Variants in SIL1 observed in about 807,000 individuals in gnomAD.
SIL1 encodes nucleotide exchange factor SIL1.
A neutral mutation model predicts 49.1 loss-of-function variants in SIL1; 40 were observed. The ratio of observed to expected loss-of-function variants is 0.81; its 90% confidence interval spans 0.63 to 1.06. The LOEUF (loss-of-function observed/expected upper bound fraction) is 1.06, where lower values mean the gene tolerates loss of function less well. Ranked by LOEUF, SIL1 falls within the 50% of genes least tolerant of loss-of-function variation. The probability of loss-of-function intolerance (pLI) is 0.00; values close to 1 mark genes in which losing one functional copy is unlikely to be tolerated. For synonymous variants in SIL1, 253 were observed against 250.8 expected (o/e 1.01, Z -0.08); for missense variants, 500 against 572.6 (o/e 0.87, Z 1.29).
At chr5:139,162,648 G>A (rs1372451821) in intron 1 of SIL1, among the ~76,000 whole-genome samples, 2 of 152,172 alleles carry the variant, frequency 1.3e-5, no homozygotes, top group African/African-American at 4.8e-5. Flanking sequence ...GTGAACACCT[G>A]TGTACCCAGG....
At chr5:139,141,286 G>A (rs1751075891) in intron 1 of SIL1, among the ~76,000 whole-genome samples, 1 of 152,040 alleles carries the variant, frequency 6.6e-6, no homozygotes, top group Non-Finnish European at 1.5e-5. Flanking sequence ...GAACCATTTG[G>A]AAGAGTACAA....
rs73790390 is a variant in SIL1, at chr5:138,951,374, G to T, written c.865-39C>A. 4.4e-3 allele frequency: 6,876 copies of T among 1,548,270 alleles called. 249 individuals are homozygous for T. The African/African-American group carries it at 0.078, about 18-fold the overall frequency. On this transcript the variant is annotated intron_variant, in intron 8 of 9. Transcript: ENST00000394817. ...CCCAGGGGTAGGTGAGGGGCCAAGC[G>T]AGCTGGACCTGCCCTGAGGCCCAGG... is the stretch of plus-strand genomic sequence containing the variant.
intron 7 of SIL1, among the ~76,000 whole-genome samples, chr5:138,982,648 G>T (rs1404545493): frequency 6.6e-6 from 1 of 152,216 alleles, no homozygotes; most frequent in Admixed American, 6.5e-5. Flanking sequence ...GTTTGGCCAA[G>T]GTCACTGTAC....
At chr5:139,102,397 T>C (rs953790524) in intron 3 of SIL1, among the ~76,000 whole-genome samples, 1 of 152,040 alleles carries the variant, frequency 6.6e-6, no homozygotes, top group African/African-American at 2.4e-5. Flanking sequence ...ATTTGGGTGA[T>C]TTTGTTGTTG....
chr5:138,963,943 G>T (rs979902001), intron 7 of SIL1, among the ~76,000 whole-genome samples: 12 of 152,168 alleles, frequency 7.9e-5, no homozygotes, highest in African/African-American at 2.7e-4. Context: ...CTAGGCGCGG[G>T]GTTCACCAGG....
At chr5:138,971,691 T>C (rs1767280691) in intron 7 of SIL1, among the ~76,000 whole-genome samples, 1 of 152,166 alleles carries the variant, frequency 6.6e-6, no homozygotes, top group Non-Finnish European at 1.5e-5. Context: ...TCTATTCCAA[T>C]ATACCCCTAC....
chr5:138,951,641 A>T, intron 8 of SIL1, 147 bp downstream of exon 8: 3 of 802,374 alleles, frequency 3.7e-6, no homozygotes, highest in Non-Finnish European at 4.2e-6. Flanking sequence ...CATCTGCTTT[A>T]GTTGAGTGTA....
Position 139,021,308 on chromosome 5 carries a change from T to G in SIL1, c.646-16A>C, listed in dbSNP as rs1312315208. 1 of 1,613,950 alleles carries G rather than the reference T, an allele frequency of 6.2e-7. No homozygotes were observed. The highest frequency in any genetic ancestry group is 8.5e-7 in the Non-Finnish European group (1 of 1,179,986). On this transcript the variant is annotated splice_polypyrimidine_tract_variant and intron_variant, in intron 6 of 9. Coordinates refer to ENST00000394817, the MANE Select transcript of SIL1 (RefSeq NM_022464.5). ...CATTGTCCATCTGCAACAGAGCCAC[T>G]GCTTAGTACAGCATAGCCATCAGGG... is the stretch of plus-strand genomic sequence containing the variant.
intron 1 of SIL1, among the ~76,000 whole-genome samples, chr5:139,143,274 C>T (rs1309543903): frequency 2.7e-5 from 4 of 146,686 alleles, no homozygotes; most frequent in East Asian, 2.0e-4. Flanking sequence ...TATATACACA[C>T]ATATGTATAT....
At chr5:139,193,431 G>A (rs752988401) in intron 1 of SIL1, among the ~76,000 whole-genome samples, 2 of 152,122 alleles carry the variant, frequency 1.3e-5, no homozygotes, top group Non-Finnish European at 2.9e-5. Context: ...AGTTGGGCAT[G>A]GTGGTGGGCG....
chr5:139,178,652 C>T lies in SIL1; in HGVS notation c.-11+19617G>A, dbSNP rs148345327. Among the ~76,000 whole-genome samples the T allele has an allele frequency of 3.6e-4, 55 of 152,092 alleles. 1 individual carries two copies. In the East Asian group the frequency reaches 9.9e-3, roughly 27 times the overall value. ...TTGTTTGGTCTTCACAATATTTACT[C>T]GAACATCACTTCCTCAAAGAAGCCT... On this transcript the variant is annotated intron_variant, in intron 1 of 9. Coordinates refer to ENST00000394817, the MANE Select transcript of SIL1 (RefSeq NM_022464.5).
chr5:139,166,578 G>T lies in SIL1; in HGVS notation c.-11+31691C>A, dbSNP rs568451619. Among the ~76,000 whole-genome samples, 294 of 152,316 alleles carry T rather than the reference G, an allele frequency of 1.9e-3. 1 individual carries two copies. The highest frequency in any genetic ancestry group is 0.01 in the Middle Eastern group (3 of 294). On this transcript the variant is annotated intron_variant, in intron 1 of 9. Transcript: ENST00000394817. ...AGGCTGAGGCAGGAGGACTGCTTGA[G>T]CCAAGGAATTTGGGGTTGCAGTGGG...
intron 7 of SIL1, among the ~76,000 whole-genome samples, chr5:138,989,086 A>G (rs1185789788): frequency 1.3e-5 from 2 of 152,226 alleles, no homozygotes; most frequent in Non-Finnish European, 2.9e-5. Context: ...ACAGTGGAGG[A>G]TACTTTTCAT....
At chr5:139,107,096 C>G (rs1022313954) in intron 3 of SIL1, among the ~76,000 whole-genome samples, 6 of 152,160 alleles carry the variant, frequency 3.9e-5, no homozygotes, top group African/African-American at 1.4e-4. Context: ...TGTATGGCCC[C>G]GCTGCAGGAT....
At chr5:138,971,813 A>G (rs1767285651) in intron 7 of SIL1, among the ~76,000 whole-genome samples, 1 of 152,236 alleles carries the variant, frequency 6.6e-6, no homozygotes, top group Non-Finnish European at 1.5e-5. Context: ...CAAAGGGCTC[A>G]CAGTGGGGCT....
At chr5:139,059,308 GCT>G (rs1222138605) in intron 3 of SIL1, among the ~76,000 whole-genome samples, 1 of 152,086 alleles carries the variant, frequency 6.6e-6, no homozygotes. Context: ...CCCTGCACAC[GCT>G]CTCTTTCCTG....
rs144205634 is a variant in SIL1, at chr5:139,122,967, T to C, written c.106-1794A>G. Among the ~76,000 whole-genome samples, 14 of 152,310 alleles carry C rather than the reference T, an allele frequency of 9.2e-5. No homozygotes were observed. In the East Asian group the frequency reaches 2.7e-3, roughly 29 times the overall value. On this transcript the variant is annotated intron_variant, in intron 2 of 9. Transcript: ENST00000394817. Reference sequence around the variant, plus strand: ...GGAAAGTTATTTAACCTCCTAAGCTTCAGTTTCCACATTTTCAACATGAAA... The same window carrying C: ...GGAAAGTTATTTAACCTCCTAAGCTCCAGTTTCCACATTTTCAACATGAAA...
intron 7 of SIL1, among the ~76,000 whole-genome samples, chr5:138,953,621 C>T (rs1053570178): frequency 2.6e-5 from 4 of 152,244 alleles, no homozygotes; most frequent in Non-Finnish European, 4.4e-5. Context: ...GGGAGGCTGA[C>T]AGCTCCTCTC....
At chr5:139,101,226 A>G (rs1770580746) in intron 3 of SIL1, among the ~76,000 whole-genome samples, 1 of 152,032 alleles carries the variant, frequency 6.6e-6, no homozygotes, top group African/African-American at 2.4e-5. Context: ...GTGCTGCCGT[A>G]CACCTGGTCA....
Sources: allele counts gnomAD v4.1 joint callset (sites outside exome capture counted in the v4.1 genomes callset), GRCh38; gene constraint gnomAD v4.1.1; transcripts MANE v1.5; gene names NCBI Gene and HGNC (gene_info 2026-07-23, HGNC 2026-07-21).